Variants in NLGN1 observed in about 807,000 individuals in gnomAD.
NLGN1 encodes the protein neuroligin-1.
Under a neutral mutation model 65.5 loss-of-function variants are expected in NLGN1, and 12 were observed. The observed-to-expected ratio is 0.18, with a 90% confidence interval of 0.12 to 0.30. NLGN1 has a LOEUF of 0.30. NLGN1 is among the 10% of genes least tolerant of loss of function. The pLI, the probability that NLGN1 is intolerant of heterozygous loss-of-function variation, is 1.00. For synonymous variants in NLGN1, 350 were observed against 359.5 expected (o/e 0.97, Z 0.30); for missense variants, 750 against 1,007.1 (o/e 0.74, Z 3.46).
intron 4 of NLGN1, among the ~76,000 whole-genome samples, chr3:174,268,707 A>C (rs1392866689): frequency 6.6e-6 from 1 of 152,050 alleles, no homozygotes; most frequent in Non-Finnish European, 1.5e-5. Flanking sequence ...CTGCAAACCA[A>C]AGAAATAGCT....
chr3:173,901,385 G>A (rs1427728547), intron 4 of NLGN1, among the ~76,000 whole-genome samples: 1 of 147,426 alleles, frequency 6.8e-6, no homozygotes, highest in Admixed American at 7.2e-5. Flanking sequence ...GTGTGTGTGT[G>A]TTTAAAAACA....
intron 4 of NLGN1, among the ~76,000 whole-genome samples, chr3:173,904,706 A>G (rs1398682975): frequency 2.0e-5 from 3 of 152,124 alleles, no homozygotes; most frequent in Admixed American, 6.6e-5. Flanking sequence ...TGTTTCTAAG[A>G]GGGAATGCCT....
chr3:174,291,330 TAA>T (rs985642278), downstream of NLGN1, among the ~76,000 whole-genome samples: 9 of 151,172 alleles, frequency 6.0e-5, no homozygotes, highest in African/African-American at 2.2e-4. Context: ...ATGAAAGCTG[TAA>T]TTCAGGAAAT....
intron 2 of NLGN1, among the ~76,000 whole-genome samples, chr3:173,604,019 A>T: frequency 6.6e-6 from 1 of 152,142 alleles, no homozygotes; most frequent in East Asian, 1.9e-4. Flanking sequence ...ATTTACTGTG[A>T]CATGTTTCTA....
intron 3 of NLGN1, among the ~76,000 whole-genome samples, chr3:173,748,625 TATAA>T (rs1468073089): frequency 6.6e-6 from 1 of 152,152 alleles, no homozygotes; most frequent in Non-Finnish European, 1.5e-5. Flanking sequence ...CCAGATGTAA[TATAA>T]ACAAACAAAC....
chr3:173,530,425 CAG>C (rs1008205556), intron 2 of NLGN1, among the ~76,000 whole-genome samples: 1 of 152,122 alleles, frequency 6.6e-6, no homozygotes, highest in Non-Finnish European at 1.5e-5. Context: ...ATGAATGAAA[CAG>C]AAGTTAAACT....
intron 4 of NLGN1, among the ~76,000 whole-genome samples, chr3:173,991,876 G>T (rs759697640): frequency 1.3e-5 from 2 of 152,072 alleles, no homozygotes; most frequent in African/African-American, 4.8e-5. Flanking sequence ...GCAATGGCGC[G>T]ATCTTGGCTC....
At chr3:173,998,720 C>T (rs1722729260) in intron 4 of NLGN1, among the ~76,000 whole-genome samples, 1 of 152,122 alleles carries the variant, frequency 6.6e-6, no homozygotes, top group African/African-American at 2.4e-5. Flanking sequence ...CTGTTTTATT[C>T]TCATGAGGGA....
At chr3:174,089,106 A>G (rs1744016326) in intron 4 of NLGN1, among the ~76,000 whole-genome samples, 1 of 152,204 alleles carries the variant, frequency 6.6e-6, no homozygotes, top group Admixed American at 6.5e-5. Context: ...AAACAGTGCT[A>G]TTACTGACAC....
intron 4 of NLGN1, among the ~76,000 whole-genome samples, chr3:173,967,867 A>G (rs986138813): frequency 1.2e-4 from 18 of 152,188 alleles, no homozygotes; most frequent in African/African-American, 4.3e-4. Flanking sequence ...GAAATTTGAC[A>G]TAAAGCTTAG....
chr3:173,555,407 A>T (rs889314717), intron 2 of NLGN1, among the ~76,000 whole-genome samples: 1 of 152,154 alleles, frequency 6.6e-6, no homozygotes, highest in African/African-American at 2.4e-5. Context: ...GATGTGTCTA[A>T]TCTTAGGAGA....
intron 2 of NLGN1, among the ~76,000 whole-genome samples, chr3:173,601,392 C>G (rs1416467503): frequency 1.3e-5 from 2 of 151,966 alleles, no homozygotes; most frequent in East Asian, 3.9e-4. Flanking sequence ...CTAGAATGAG[C>G]CTTATTCTCT....
intron 2 of NLGN1, among the ~76,000 whole-genome samples, chr3:173,511,204 G>A (rs1355387454): frequency 6.6e-6 from 1 of 152,064 alleles, no homozygotes; most frequent in Non-Finnish European, 1.5e-5. Flanking sequence ...ACTTGCAAAC[G>A]ACAAGTTGTT....
At chr3:173,515,251 G>T (rs184066949) in intron 2 of NLGN1, among the ~76,000 whole-genome samples, 4 of 152,182 alleles carry the variant, frequency 2.6e-5, no homozygotes, top group African/African-American at 9.6e-5. Context: ...TCAATTATTA[G>T]TGATATTGAG....
chr3:173,452,408 G>C (rs1004362876), intron 2 of NLGN1, among the ~76,000 whole-genome samples: 1 of 152,014 alleles, frequency 6.6e-6, no homozygotes, highest in Admixed American at 6.6e-5. Context: ...GGATAGTCTC[G>C]ATCTCCTGAC....
At chr3:174,180,748 T>C (rs1270445431) in intron 4 of NLGN1, 1 of 152,094 alleles carries the variant, frequency 6.6e-6, no homozygotes, top group Non-Finnish European at 1.5e-5. Flanking sequence ...ACTGAAATGC[T>C]TATATAAATG....
At chr3:173,871,074 G>A (rs1350394713) in intron 4 of NLGN1, among the ~76,000 whole-genome samples, 1 of 152,076 alleles carries the variant, frequency 6.6e-6, no homozygotes, top group East Asian at 1.9e-4. Flanking sequence ...TTAATAATAG[G>A]TCATGTCTAC....
At chr3:173,461,622 C>T (rs1723404633) in intron 2 of NLGN1, among the ~76,000 whole-genome samples, 1 of 152,078 alleles carries the variant, frequency 6.6e-6, no homozygotes, top group Admixed American at 6.6e-5. Context: ...TAACTTTCAA[C>T]TTCATTTGAC....
intron 3 of NLGN1, among the ~76,000 whole-genome samples, chr3:173,760,480 G>A (rs1777811509): frequency 6.6e-6 from 1 of 151,796 alleles, no homozygotes; most frequent in African/African-American, 2.4e-5. Flanking sequence ...TTTTATTCTT[G>A]TTTTACTTTA....
Sources: gnomAD v4.1 joint callset for allele counts (sites outside exome capture counted in the v4.1 genomes callset) on GRCh38, gnomAD v4.1.1 for gene constraint, MANE v1.5 for transcripts, NCBI Gene and HGNC (gene_info 2026-07-23, HGNC 2026-07-21) for gene names.